Variants in ARFGEF1 observed in about 807,000 individuals in gnomAD.
ARFGEF1 encodes brefeldin A-inhibited guanine nucleotide-exchange protein 1.
A neutral mutation model predicts 231.0 loss-of-function variants in ARFGEF1; 42 were observed. The ratio of observed to expected loss-of-function variants is 0.18; its 90% confidence interval spans 0.14 to 0.24. The LOEUF (loss-of-function observed/expected upper bound fraction) is 0.24, where lower values mean the gene tolerates loss of function less well. Among genes scored for constraint, ARFGEF1 ranks in the 10% least tolerant of loss-of-function variants. ARFGEF1 has a pLI of 1.00. For missense variants in ARFGEF1, 1,345 were observed against 2,192.0 expected (o/e 0.61, Z 7.72); for synonymous variants, 710 against 732.3 (o/e 0.97, Z 0.49).
intron 14 of ARFGEF1, among the ~76,000 whole-genome samples, chr8:67,265,409 A>G (rs1283351525): frequency 6.6e-6 from 1 of 152,148 alleles, no homozygotes. Context: ...TCTCTTTGAA[A>G]AAAAGAGATG....
chr8:67,276,535 CA>C (rs962408861), intron 8 of ARFGEF1, among the ~76,000 whole-genome samples: 40 of 148,750 alleles, frequency 2.7e-4, no homozygotes, highest in African/African-American at 8.9e-4. Context: ...TCAACCAAGC[CA>C]AAAAAAAATG....
At position 67,293,219 on chromosome 8, in the gene ARFGEF1, A is replaced by G. The variant is rs1242808940; in HGVS notation, c.640-1096T>C. Reference sequence around the variant, plus strand: ...AACTAAATATCCTTTGTAACACAATACATGTTCATAGCCTTTATCATAATT... The same window carrying G: ...AACTAAATATCCTTTGTAACACAATGCATGTTCATAGCCTTTATCATAATT... On this transcript the variant is annotated intron_variant, in intron 5 of 38. Coordinates refer to ENST00000262215, the MANE Select transcript of ARFGEF1 (RefSeq NM_006421.5). Among the ~76,000 whole-genome samples, 4 of 152,120 alleles carry G rather than the reference A, an allele frequency of 2.6e-5. No individual in the cohort carries two copies. In the East Asian group the frequency reaches 7.7e-4, roughly 29 times the overall value.
chr8:67,204,047 C>A (rs948422728), intron 35 of ARFGEF1, among the ~76,000 whole-genome samples: 1 of 152,198 alleles, frequency 6.6e-6, no homozygotes, highest in African/African-American at 2.4e-5. Context: ...CCAGTGAACA[C>A]GCTGCCATAT....
chr8:67,331,333 G>A (rs976374333), intron 1 of ARFGEF1, among the ~76,000 whole-genome samples: 2 of 152,108 alleles, frequency 1.3e-5, no homozygotes, highest in Non-Finnish European at 2.9e-5. Context: ...ATGGAATTAA[G>A]AGGTGGGGCC....
In ARFGEF1 at chr8:67,287,987, A is replaced by T. The variant is rs1805831315; in HGVS notation, c.995T>A (p.Ile332Asn). Residue 332 changes from isoleucine to asparagine, a missense_variant, in exon 7 of 39, where the codon ATT becomes AAT. Physicochemically the swap from Ile to Asn is moderately radical, Grantham distance 149. This residue lies in a region of ARFGEF1 where 398 missense variants were observed against 463.2 expected (regional missense o/e 0.86). Coordinates refer to ENST00000262215, the MANE Select transcript of ARFGEF1 (RefSeq NM_006421.5). ...EEKPQDIVQN[I>N]VEEMVNIVVG... ...AACAATGTTCACCATTTCTTCTACA[A>T]TGTTCTGTACAATGTCTTGTGGCTT... 1 of 1,600,772 alleles carries T rather than the reference A, an allele frequency of 6.2e-7. No homozygotes were observed.
chr8:67,253,387 A>G, intron 18 of ARFGEF1, 64 bp downstream of exon 18: 1 of 1,230,010 alleles, frequency 8.1e-7, no homozygotes, highest in South Asian at 1.7e-5. Context: ...CATAAGTGAA[A>G]AACTCTTAGG....
At chr8:67,324,435 CA>C (rs529208789) in intron 1 of ARFGEF1, among the ~76,000 whole-genome samples, 52 of 152,334 alleles carry the variant, frequency 3.4e-4, no homozygotes, top group African/African-American at 1.2e-3. Context: ...TATGCTCATA[CA>C]ATTAGTTCTG....
At chr8:67,250,720 T>G (rs1840256807) in intron 19 of ARFGEF1, among the ~76,000 whole-genome samples, 1 of 152,186 alleles carries the variant, frequency 6.6e-6, no homozygotes, top group Non-Finnish European at 1.5e-5. Flanking sequence ...ACTACTCCAC[T>G]TTGCTACAAC....
Position 67,271,944 on chromosome 8 carries a change from G to A in ARFGEF1, c.1338-8C>T. The A allele has an allele frequency of 1.3e-6, 2 of 1,575,372 alleles. No homozygotes were observed. Among genetic ancestry groups the A allele is most frequent in the East Asian group, 4.5e-5 (2 of 44,508 alleles). On this transcript the variant is annotated splice_region_variant and splice_polypyrimidine_tract_variant and intron_variant, in intron 9 of 38. Coordinates refer to ENST00000262215, the MANE Select transcript of ARFGEF1 (RefSeq NM_006421.5). ...GATCGTAGTTCATGAGACCTAAAATGTAAAAAAGAAGGCATAGTATATGAA... is the reference window on the plus strand; with the variant it reads ...GATCGTAGTTCATGAGACCTAAAATATAAAAAAGAAGGCATAGTATATGAA...
At chr8:67,223,925 A>G (rs1388728804) in intron 29 of ARFGEF1, among the ~76,000 whole-genome samples, 1 of 152,230 alleles carries the variant, frequency 6.6e-6, no homozygotes, top group African/African-American at 2.4e-5. Flanking sequence ...GTTTTTCTAT[A>G]GTGCTCTCAT....
intron 22 of ARFGEF1, among the ~76,000 whole-genome samples, chr8:67,235,094 G>GTATATATACGTGTATATATA (rs1839679907): frequency 6.9e-6 from 1 of 145,672 alleles, no homozygotes; most frequent in African/African-American, 2.6e-5. Flanking sequence ...ATGTGTGTGT[G>GTATATATACGTGTATATATA]TGTGTGTATA....
At chr8:67,181,211 A>AT (rs1563771138) in intron 5 of ARFGEF1, among the ~76,000 whole-genome samples, 1 of 149,832 alleles carries the variant, frequency 6.7e-6, no homozygotes, top group Non-Finnish European at 1.5e-5. Context: ...TATCTTTTTT[A>AT]TTTTTTTGTA....
chr8:67,203,041 C>G (rs1219406758), intron 36 of ARFGEF1, 42 bp downstream of exon 36: 2 of 1,579,712 alleles, frequency 1.3e-6, no homozygotes, highest in African/African-American at 2.7e-5. Flanking sequence ...TGTCCCACAT[C>G]CATCAACAGT....
At chr8:67,245,357 T>C (rs531605917) in intron 19 of ARFGEF1, among the ~76,000 whole-genome samples, 1 of 150,526 alleles carries the variant, frequency 6.6e-6, no homozygotes, top group East Asian at 1.9e-4. Flanking sequence ...ACATGTAAAA[T>C]ACTCTTAAGT....
At chr8:67,317,170 A>G (rs1002505060) in intron 1 of ARFGEF1, among the ~76,000 whole-genome samples, 25 of 152,156 alleles carry the variant, frequency 1.6e-4, no homozygotes, top group African/African-American at 5.6e-4. Flanking sequence ...AACTCATCCT[A>G]TAGTTCTCTT....
At chr8:67,317,654 T>C (rs1220484557) in intron 1 of ARFGEF1, among the ~76,000 whole-genome samples, 1 of 148,750 alleles carries the variant, frequency 6.7e-6, no homozygotes, top group East Asian at 2.0e-4. Context: ...CTTACACCTG[T>C]AATCCCAGCA....
intron 27 of ARFGEF1, 45 bp downstream of exon 27, chr8:67,227,092 T>TA: frequency 5.8e-6 from 4 of 692,426 alleles, no homozygotes; most frequent in Non-Finnish European, 7.9e-6. Flanking sequence ...TTAAGGTTGC[T>TA]TTTTTTTTTT....
chr8:67,275,074 G>T (rs1221601619), intron 9 of ARFGEF1, among the ~76,000 whole-genome samples: 1 of 151,986 alleles, frequency 6.6e-6, no homozygotes, highest in East Asian at 1.9e-4. Context: ...ACTGTCTCTG[G>T]TCTGCTCAGC....
chr8:67,334,136 C>CAAAAAAAAAAAA, intron 1 of ARFGEF1, among the ~76,000 whole-genome samples: 1 of 43,732 alleles, frequency 2.3e-5, no homozygotes, highest in Non-Finnish European at 5.1e-5. Context: ...AACTCCGTCT[C>CAAAAAAAAAAAA]AAAAAAAAAA....
Sources: allele counts gnomAD v4.1 joint callset (sites outside exome capture counted in the v4.1 genomes callset), GRCh38; gene constraint gnomAD v4.1.1; regional missense constraint gnomAD v4.1.1; transcripts MANE v1.5; gene names NCBI Gene and HGNC (gene_info 2026-07-23, HGNC 2026-07-21).